The following ONECUT2 variants were observed in gnomAD, a reference collection of about 807,000 sequenced individuals.
ONECUT2 encodes one cut domain family member 2.
Under a neutral mutation model 27.9 loss-of-function variants are expected in ONECUT2, and 10 were observed. That is an observed-to-expected ratio of 0.36 (90% CI 0.22 to 0.61). The LOEUF is 0.61. ONECUT2 is among the 20% of genes least tolerant of loss of function. The probability of loss-of-function intolerance (pLI) is 0.73; values close to 1 mark genes in which losing one functional copy is unlikely to be tolerated. For synonymous variants in ONECUT2, 334 were observed against 315.1 expected, an observed-to-expected ratio of 1.06 and a Z score of -0.64; for missense variants, 686 against 721.0, an observed-to-expected ratio of 0.95 and a Z score of 0.56.
At chr18:57,467,126 A>C (rs536595525) in intron 1 of ONECUT2, 2 of 456,004 alleles carry the variant, frequency 4.4e-6, no homozygotes, top group East Asian at 1.4e-4. Context: ...TGAAAGTAAA[A>C]ATAGAGACAG....
At chr18:57,437,275 A>T (rs1185674950) in intron 1 of ONECUT2, among the ~76,000 whole-genome samples, 1 of 148,978 alleles carries the variant, frequency 6.7e-6, no homozygotes, top group East Asian at 2.1e-4. Context: ...GGGAGGCGGG[A>T]TGGGGGTGTG....
At position 57,487,962 on chromosome 18, in the gene ONECUT2, GCA is replaced by G. The variant is rs2050446232; in HGVS notation, c.*11243_*11244del. The G allele has an allele frequency of 6.6e-6, 1 of 152,160 alleles. No individual in the cohort carries two copies. The highest frequency in any genetic ancestry group is 6.5e-5 in the Admixed American group (1 of 15,272). 9.4% of individuals were successfully genotyped at this position (152,160 alleles called of 1,614,324 possible). A position where few individuals can be genotyped will look rare whatever the true frequency, so the allele number is the denominator to read the frequency against. On this transcript the variant is annotated 3_prime_UTR_variant, in exon 2 of 2. Transcript: ENST00000491143. ...GACATAAAGCCAAATCAACTGCCAA[GCA>G]CACTTTATTTTGCATAGGAGTATGC...
rs1568126853 is a variant in ONECUT2, at chr18:57,481,938, C to T, written c.*5215C>T. 6.6e-6 allele frequency: 1 copy of T among 152,146 alleles called. No homozygotes were observed. Among genetic ancestry groups the T allele is most frequent in the East Asian group, 1.9e-4 (1 of 5,198 alleles). The allele number at this position is 152,146 out of a possible 1,614,324, so 9.4% of individuals were successfully genotyped here. A position where few individuals can be genotyped will look rare whatever the true frequency, so the allele number is the denominator to read the frequency against. On this transcript the variant is annotated 3_prime_UTR_variant, in exon 2 of 2. Transcript: ENST00000491143. Reference sequence around the variant, plus strand: ...ATGCTGTGTGATTCAGACTTCTCAGCCTAACCAGGAAGAGTAAGTGGAAAT... The same window carrying T: ...ATGCTGTGTGATTCAGACTTCTCAGTCTAACCAGGAAGAGTAAGTGGAAAT...
At chr18:57,446,970 A>G (rs145288144) in intron 1 of ONECUT2, among the ~76,000 whole-genome samples, 16 of 152,328 alleles carry the variant, frequency 1.1e-4, no homozygotes, top group African/African-American at 3.8e-4. Context: ...AAGATAAAAT[A>G]TTGTACAAAG....
At chr18:57,456,898 C>G (rs759033516) in intron 1 of ONECUT2, among the ~76,000 whole-genome samples, 4 of 152,140 alleles carry the variant, frequency 2.6e-5, no homozygotes, top group Non-Finnish European at 5.9e-5. Flanking sequence ...ATTGCTTGAG[C>G]CTGAGTTCTG....
chr18:57,480,743 C>CAGA lies in ONECUT2; in HGVS notation c.*4022_*4024dup, dbSNP rs1223012023. On this transcript the variant is annotated 3_prime_UTR_variant, in exon 2 of 2. Transcript: ENST00000491143. ...TTATGTATCAAAATTTTAAGCCCTGCAGAATTTCAATTTGTTAGAAATCTA... is the reference window on the plus strand; with the variant it reads ...TTATGTATCAAAATTTTAAGCCCTGCAGAAGAATTTCAATTTGTTAGAAATCTA... 10 of 152,130 alleles carry CAGA rather than the reference C, an allele frequency of 6.6e-5. No homozygotes were observed. Among genetic ancestry groups the CAGA allele is most frequent in the Admixed American group, 5.9e-4 (9 of 15,286 alleles). The allele number at this position is 152,130 out of a possible 1,614,324, so 9.4% of individuals were successfully genotyped here.
chr18:57,447,225 C>T lies in ONECUT2; in HGVS notation c.1228+10281C>T, dbSNP rs1474210637. On this transcript the variant is annotated intron_variant, in intron 1 of 1. Transcript: ENST00000491143. ...TTCACATGGACCCCTGCCTGGAGCC[C>T]CTGGTAGCAGAGCGCCTGTGGGTGG... Among the ~76,000 whole-genome samples the T allele has an allele frequency of 2.0e-5, 3 of 152,228 alleles. No homozygotes were observed. The South Asian group carries it at 6.2e-4, about 32-fold the overall frequency.
chr18:57,441,235 G>A (rs1168825089), intron 1 of ONECUT2, among the ~76,000 whole-genome samples: 1 of 152,260 alleles, frequency 6.6e-6, no homozygotes, highest in Non-Finnish European at 1.5e-5. Flanking sequence ...AAGATTAAAA[G>A]AGCATTAATG....
intron 1 of ONECUT2, among the ~76,000 whole-genome samples, chr18:57,438,265 T>C (rs2050154689): frequency 6.6e-6 from 1 of 152,204 alleles, no homozygotes; most frequent in African/African-American, 2.4e-5. Flanking sequence ...AAGGACACAC[T>C]ATACCCTATG....
At chr18:57,444,692 G>A (rs202020814) in intron 1 of ONECUT2, among the ~76,000 whole-genome samples, 9 of 152,380 alleles carry the variant, frequency 5.9e-5, no homozygotes, top group African/African-American at 2.2e-4. Flanking sequence ...ATCCTTTTAT[G>A]CAGGGCCAGG....
chr18:57,445,610 G>T (rs778054399), intron 1 of ONECUT2, among the ~76,000 whole-genome samples: 116 of 152,128 alleles, frequency 7.6e-4, no homozygotes, highest in Non-Finnish European at 1.2e-3. Flanking sequence ...TCGTAGGTGA[G>T]CTAATGTATT....
intron 1 of ONECUT2, among the ~76,000 whole-genome samples, chr18:57,452,818 C>G (rs1278696284): frequency 6.6e-6 from 1 of 152,200 alleles, no homozygotes; most frequent in East Asian, 1.9e-4. Flanking sequence ...AAGGTCCAAG[C>G]CTGTTGCCTA....
intron 1 of ONECUT2, among the ~76,000 whole-genome samples, chr18:57,455,469 T>C (rs888525227): frequency 6.6e-6 from 1 of 152,256 alleles, no homozygotes; most frequent in Non-Finnish European, 1.5e-5. Context: ...TTATTTCATA[T>C]TCATTAGTGT....
intron 1 of ONECUT2, among the ~76,000 whole-genome samples, chr18:57,441,632 ACTAT>A (rs2050174645): frequency 1.3e-5 from 2 of 152,212 alleles, no homozygotes; most frequent in Non-Finnish European, 2.9e-5. Flanking sequence ...AGTCTTCCTA[ACTAT>A]CCTGTGCTTG....
intron 1 of ONECUT2, among the ~76,000 whole-genome samples, chr18:57,462,465 A>T (rs1174203463): frequency 1.3e-5 from 2 of 152,124 alleles, no homozygotes; most frequent in African/African-American, 4.8e-5. Flanking sequence ...AGCTCACTGC[A>T]GCTTTCACCT....
rs1202654024 is a variant in ONECUT2, at chr18:57,489,103, A to G, written c.*12380A>G. 1.3e-5 allele frequency: 2 copies of G among 152,234 alleles called. No individual in the cohort carries two copies. Among genetic ancestry groups the G allele is most frequent in the Non-Finnish European group, 2.9e-5 (2 of 68,112 alleles). The allele number at this position is 152,234 out of a possible 1,614,324, so 9.4% of individuals were successfully genotyped here. On this transcript the variant is annotated 3_prime_UTR_variant, in exon 2 of 2. Transcript: ENST00000491143. Reference sequence around the variant, plus strand: ...AGCCCATCTGGTGGCTTTACATGGGACATTACCAAAGGCTTCTTCCTCCAT... The same window carrying G: ...AGCCCATCTGGTGGCTTTACATGGGGCATTACCAAAGGCTTCTTCCTCCAT...
intron 1 of ONECUT2, among the ~76,000 whole-genome samples, chr18:57,469,877 G>A (rs1182936998): frequency 3.3e-5 from 5 of 152,194 alleles, no homozygotes; most frequent in Non-Finnish European, 7.4e-5. Context: ...AGGAAACTAA[G>A]GCTCACAGTC....
At chr18:57,451,451 A>T (rs556492234) in intron 1 of ONECUT2, among the ~76,000 whole-genome samples, 1 of 152,134 alleles carries the variant, frequency 6.6e-6, no homozygotes, top group African/African-American at 2.4e-5. Flanking sequence ...TAGACTCCCA[A>T]TGGGGGAGTC....
At chr18:57,475,211 C>G (rs3826651) in intron 1 of ONECUT2, among the ~76,000 whole-genome samples, 78,321 of 151,642 alleles carry the variant, frequency 0.52, 22,840 homozygotes, top group Non-Finnish European at 0.67. Context: ...TGCCCACCAC[C>G]ATGCCCAGCT....
Sources: allele counts gnomAD v4.1 joint callset (sites outside exome capture counted in the v4.1 genomes callset), GRCh38; gene constraint gnomAD v4.1.1; transcripts MANE v1.5; gene names NCBI Gene and HGNC (gene_info 2026-07-23, HGNC 2026-07-21).